WDR11: variants seen among roughly 807,000 people sequenced by gnomAD.
The protein encoded by WDR11 is WD repeat domain 11, also known as WD repeat-containing protein 11.
WDR11 carries 83 observed loss-of-function variants against 151.2 expected under a neutral mutation model. The ratio of observed to expected loss-of-function variants is 0.55; its 90% CI spans 0.46 to 0.66. The LOEUF (loss-of-function observed/expected upper bound fraction) is 0.66, where lower values mean the gene tolerates loss of function less well. Among genes scored for constraint, WDR11 ranks in the 30% least tolerant of loss-of-function variants. The probability of loss-of-function intolerance (pLI) is 0.00; values close to 1 mark genes in which losing one functional copy is unlikely to be tolerated. For missense variants in WDR11, 1,301 were observed against 1,480.9 expected (o/e 0.88, Z 1.99); for synonymous variants, 484 against 533.1 (o/e 0.91, Z 1.27).
In WDR11 at chr10:120,890,905, T is replaced by C. The variant is rs1564715297; in HGVS notation, c.2515+18T>C. On this transcript the variant is annotated intron_variant, in intron 19 of 28. Transcript: ENST00000263461. ...GTTAACCGGTATGGAATCCTAATGA[T>C]AGGGGGCTTTGAAACCTGTCTTTAC... 3.1e-6 allele frequency: 5 copies of C among 1,613,790 alleles called. No individual in the cohort carries two copies. The highest frequency in any genetic ancestry group is 1.1e-5 in the South Asian group (1 of 91,062).
At position 120,878,396 on chromosome 10, in the gene WDR11, A is replaced by G. The variant is rs764041548; in HGVS notation, c.1600A>G (p.Thr534Ala). The change falls in exon 12 of 29, where the codon ACC becomes GCC. Residue 534 changes from threonine to alanine, a missense_variant. Around this residue, in one of 3 missense-constraint regions of WDR11, gnomAD observed 692 missense variants for 762.5 expected, o/e 0.91. Coordinates refer to ENST00000263461, the MANE Select transcript of WDR11 (RefSeq NM_018117.12). Reference protein sequence around the residue: ...TSLTSFLSFATSTPNNMGLVR... With the variant: ...TSLTSFLSFAASTPNNMGLVR... ...TTTGACTAGTTTTCTTTCTTTTGCTACCTCAACACCAAACAATATGGGATT... is the reference window on the plus strand; with the variant it reads ...TTTGACTAGTTTTCTTTCTTTTGCTGCCTCAACACCAAACAATATGGGATT... The G allele has an allele frequency of 3.1e-6, 5 of 1,613,254 alleles. No individual in the cohort carries two copies. The highest frequency in any genetic ancestry group is 1.7e-5 in the Admixed American group (1 of 59,992).
At chr10:120,906,665 A>G (rs1848062279) in intron 27 of WDR11, 111 bp from the exon 28 acceptor site, 2 of 1,593,648 alleles carry the variant, frequency 1.3e-6, no homozygotes, top group African/African-American at 1.3e-5. Flanking sequence ...ATCTTAATGC[A>G]GTATGCAGGT....
chr10:120,906,575 A>C (rs2133819409), intron 27 of WDR11: 1 of 1,429,940 alleles, frequency 7.0e-7, no homozygotes, highest in South Asian at 1.5e-5. Flanking sequence ...TAAAGTATTA[A>C]TTTTAAAAAG....
intron 16 of WDR11, among the ~76,000 whole-genome samples, chr10:120,887,145 A>G (rs1794399457): frequency 6.6e-6 from 1 of 152,182 alleles, no homozygotes; most frequent in Admixed American, 6.5e-5. Context: ...GCTTACTCAT[A>G]TGGCAGAGCA....
chr10:120,886,665 A>T, intron 15 of WDR11, 24 bp from the exon 16 acceptor site: 8 of 1,611,220 alleles, frequency 5.0e-6, no homozygotes, highest in Non-Finnish European at 6.8e-6. Context: ...AAACATCTTT[A>T]TCATATGTTT....
chr10:120,872,271 GT>G (rs1424843773), intron 10 of WDR11, among the ~76,000 whole-genome samples: 3 of 152,022 alleles, frequency 2.0e-5, no homozygotes, highest in Non-Finnish European at 4.4e-5. Context: ...CTATATATGT[GT>G]CCCGATTTAT....
Position 120,865,210 on chromosome 10 carries a change from C to T in WDR11, c.877C>T (p.Gln293Ter), listed in dbSNP as rs770383841. The change falls in exon 6 of 29, where the codon CAG becomes TAG. Residue 293 changes from glutamine (Q) to a stop codon, truncating the protein, a stop_gained and splice_region_variant. Transcript: ENST00000263461. LOFTEE classifies it high-confidence loss of function. ...AGAACGCACAGGAGTTCCATTTTTACAGGTATCTACAATTCATAAATTATA... is the reference window on the plus strand; with the variant it reads ...AGAACGCACAGGAGTTCCATTTTTATAGGTATCTACAATTCATAAATTATA... The part of the protein sequence containing the change: ...AIERTGVPFL[Q>*]VIPCFQRDGL... The T allele has an allele frequency of 1.2e-6, 2 of 1,613,554 alleles. No individual in the cohort carries two copies. Among genetic ancestry groups the T allele is most frequent in the Non-Finnish European group, 1.7e-6 (2 of 1,179,596 alleles).
chr10:120,858,102 A>G (rs1034191400), intron 2 of WDR11, among the ~76,000 whole-genome samples: 3 of 150,980 alleles, frequency 2.0e-5, no homozygotes, highest in East Asian at 1.9e-4. Flanking sequence ...TAAAAATTCT[A>G]TTGTTAATCA....
chr10:120,857,206 A>C (rs1248616347), intron 2 of WDR11, among the ~76,000 whole-genome samples: 2 of 152,210 alleles, frequency 1.3e-5, no homozygotes, highest in African/African-American at 4.8e-5. Flanking sequence ...AAAATGTGAA[A>C]AATGTGGTAC....
At chr10:120,902,395 T>C (rs769949659) in intron 22 of WDR11, 73 bp downstream of exon 22, 1 of 1,281,838 alleles carries the variant, frequency 7.8e-7, no homozygotes, top group Non-Finnish European at 1.1e-6. Context: ...GGGTTTTTAG[T>C]TAGAAACACT....
At chr10:120,908,436 C>T (rs1171089121) in intron 28 of WDR11, 120 bp from the exon 29 acceptor site, 5 of 1,046,702 alleles carry the variant, frequency 4.8e-6, no homozygotes, top group East Asian at 2.4e-5. Context: ...CCGCTGTGGA[C>T]ACCAGGTCCC....
At chr10:120,908,071 C>A (rs1365471855) in intron 28 of WDR11, 1 of 186,400 alleles carries the variant, frequency 5.4e-6, no homozygotes, top group African/African-American at 2.4e-5. Context: ...ACCCAATAGG[C>A]TGTTTAAAAA....
At chr10:120,886,061 T>C (rs1847205287) in intron 15 of WDR11, 123 bp downstream of exon 15, 2 of 1,252,384 alleles carry the variant, frequency 1.6e-6, no homozygotes, top group Admixed American at 3.9e-5. Flanking sequence ...ACATACTTAG[T>C]TTCATCTTTC....
At chr10:120,862,645 TCA>T in intron 4 of WDR11, 88 bp from the exon 5 acceptor site, 1 of 1,278,206 alleles carries the variant, frequency 7.8e-7, no homozygotes, top group African/African-American at 1.5e-5. Context: ...ATTAAAATTA[TCA>T]CTATATTGCT....
intron 17 of WDR11, chr10:120,889,429 A>G: frequency 2.3e-6 from 1 of 440,922 alleles, no homozygotes; most frequent in South Asian, 2.1e-5. Flanking sequence ...TTTAGTAGAG[A>G]CGGGATTTCA....
chr10:120,885,353 A>C (rs778310285), intron 14 of WDR11, among the ~76,000 whole-genome samples: 15 of 152,062 alleles, frequency 9.9e-5, no homozygotes, highest in Admixed American at 7.9e-4. Context: ...TAATAACTAC[A>C]TGTTAAGAAC....
In WDR11 at chr10:120,860,176, C is replaced by T. The variant is rs1197422469; in HGVS notation, c.420C>T (p.Tyr140=). ...DLLLAIHPPN[Y]IVLWNADTGT... ...TGCTTGCTATCCACCCGCCAAATTA[C>T]ATTGTGCTCTGGAATGCCGACACTG... The change falls in exon 4 of 29, where the codon TAC becomes TAT. Residue 140 remains tyrosine, a synonymous_variant. Coordinates refer to ENST00000263461, the MANE Select transcript of WDR11 (RefSeq NM_018117.12). The T allele has an allele frequency of 2.5e-6, 4 of 1,614,024 alleles. No homozygotes were observed. Among genetic ancestry groups the T allele is most frequent in the East Asian group, 4.5e-5 (2 of 44,880 alleles).
At chr10:120,857,405 A>G (rs1450352709) in intron 2 of WDR11, among the ~76,000 whole-genome samples, 1 of 152,202 alleles carries the variant, frequency 6.6e-6, no homozygotes, top group Non-Finnish European at 1.5e-5. Context: ...TAAATTGACA[A>G]ATACAGAATC....
chr10:120,858,884 T>A (rs1846037077), intron 3 of WDR11, 88 bp downstream of exon 3: 2 of 1,515,578 alleles, frequency 1.3e-6, no homozygotes, highest in Admixed American at 3.7e-5. Context: ...CCCCCATTCA[T>A]TTAATTTTAT....
Sources: gnomAD v4.1 joint callset for allele counts (sites outside exome capture counted in the v4.1 genomes callset) on GRCh38, gnomAD v4.1.1 for gene constraint, gnomAD v4.1.1 regional missense constraint, MANE v1.5 for transcripts, NCBI Gene and HGNC (gene_info 2026-07-23, HGNC 2026-07-21) for gene names.